The following TBC1D8 variants were observed in gnomAD, a reference collection of about 807,000 sequenced individuals.
TBC1D8 encodes TBC1 domain family member 8, also known as BUB2-like protein 1.
Under a neutral mutation model 118.8 loss-of-function variants are expected in TBC1D8, and 65 were observed. The ratio of observed to expected loss-of-function variants is 0.55; its 90% CI spans 0.45 to 0.67. The LOEUF (loss-of-function observed/expected upper bound fraction) is 0.67, where lower values mean the gene tolerates loss of function less well. Ranked by LOEUF, TBC1D8 falls within the 30% of genes least tolerant of loss-of-function variation. TBC1D8 has a pLI of 0.00. For synonymous variants in TBC1D8, 566 were observed against 595.8 expected (o/e 0.95, Z 0.73); for missense variants, 1,376 against 1,471.2 (o/e 0.94, Z 1.06).
In TBC1D8 at chr2:101,007,335, T is replaced by G. The variant is rs1040396831; in HGVS notation, c.*486A>C. The G allele has an allele frequency of 6.5e-6, 1 of 154,456 alleles. No individual in the cohort carries two copies. The highest frequency in any genetic ancestry group is 2.0e-4 in the South Asian group (1 of 4,966). 9.6% of individuals were successfully genotyped at this position (154,456 alleles called of 1,614,324 possible). ...CATATAAAGTGAATACAACCAAATA[T>G]ATTAAAATGGTTTCAATTACCAGCA... On this transcript the variant is annotated 3_prime_UTR_variant, in exon 20 of 20. Transcript: ENST00000409318.
chr2:101,078,068 C>A (rs752325837), intron 2 of TBC1D8, among the ~76,000 whole-genome samples: 11 of 152,136 alleles, frequency 7.2e-5, no homozygotes, highest in Admixed American at 2.6e-4. Context: ...AGACCATTTC[C>A]CACACTGCTA....
chr2:101,059,918 G>A (rs1473453241), intron 2 of TBC1D8, among the ~76,000 whole-genome samples: 2 of 152,112 alleles, frequency 1.3e-5, no homozygotes, highest in African/African-American at 2.4e-5. Flanking sequence ...CAGCCTGGGC[G>A]AGAGTGCGAG....
At chr2:101,061,447 G>T (rs1301706476) in intron 2 of TBC1D8, among the ~76,000 whole-genome samples, 1 of 152,140 alleles carries the variant, frequency 6.6e-6, no homozygotes, top group African/African-American at 2.4e-5. Flanking sequence ...ATTTCATAAG[G>T]AATAATGAAA....
At chr2:101,096,067 T>C (rs891413115) in intron 1 of TBC1D8, among the ~76,000 whole-genome samples, 3 of 152,188 alleles carry the variant, frequency 2.0e-5, no homozygotes, top group Non-Finnish European at 4.4e-5. Flanking sequence ...GAGTTCTTTT[T>C]TTGTTGTTTT....
chr2:101,090,324 A>G lies in TBC1D8; in HGVS notation c.168T>C (p.Asn56=), dbSNP rs759810790. 6.8e-6 allele frequency: 11 copies of G among 1,614,058 alleles called. No homozygotes were observed. In the South Asian group the frequency reaches 7.7e-5, roughly 11 times the overall value. ...GAATTCGAAATGGAGCGACCCGTGC[A>G]TTGGAATCCAACACTGCATCCAGAG... ...VGALDAVLDS[N]ARVAPFRILL... Residue 56 remains asparagine, a synonymous_variant, in exon 2 of 20, where the codon AAT becomes AAC. Coordinates refer to ENST00000409318, the MANE Select transcript of TBC1D8 (RefSeq NM_001330348.2).
intron 1 of TBC1D8, among the ~76,000 whole-genome samples, chr2:101,106,396 T>C (rs1399084315): frequency 6.6e-6 from 1 of 152,214 alleles, no homozygotes; most frequent in African/African-American, 2.4e-5. Context: ...CAGGGACCCC[T>C]GGATTTAATG....
chr2:101,118,434 T>TGC lies in TBC1D8; in HGVS notation c.128-28072_128-28071dup, dbSNP rs1558717840. Among the ~76,000 whole-genome samples, 260 of 151,748 alleles carry TGC rather than the reference T, an allele frequency of 1.7e-3. No individual in the cohort carries two copies. The East Asian group carries it at 0.032, about 18-fold the overall frequency. On this transcript the variant is annotated intron_variant, in intron 1 of 19. Coordinates refer to ENST00000409318, the MANE Select transcript of TBC1D8 (RefSeq NM_001330348.2). Reference sequence around the variant, plus strand: ...CCAGGTAGCCGGGCACAGTGGCTCATGCCTGTAATCCCAGCACTTTGGGAG... The same window carrying TGC: ...CCAGGTAGCCGGGCACAGTGGCTCATGCGCCTGTAATCCCAGCACTTTGGGAG...
At chr2:101,151,041 A>T (rs1273072348) in intron 1 of TBC1D8, 86 bp downstream of exon 1, 1 of 928,492 alleles carries the variant, frequency 1.1e-6, no homozygotes, top group African/African-American at 1.8e-5. Context: ...GCCTCTGGCG[A>T]CGCAGCCCGG....
intron 5 of TBC1D8, among the ~76,000 whole-genome samples, chr2:101,045,539 A>T (rs1456979842): frequency 6.6e-6 from 1 of 152,194 alleles, no homozygotes; most frequent in Non-Finnish European, 1.5e-5. Flanking sequence ...TGGCTCTCCC[A>T]TGCTCAGCAT....
chr2:101,087,897 T>C (rs976876752), intron 2 of TBC1D8, among the ~76,000 whole-genome samples: 2 of 152,220 alleles, frequency 1.3e-5, no homozygotes, highest in Admixed American at 1.3e-4. Context: ...ACATTGTTTT[T>C]CAAAAGCCAC....
At chr2:101,114,970 G>C (rs1677754312) in intron 1 of TBC1D8, among the ~76,000 whole-genome samples, 1 of 152,176 alleles carries the variant, frequency 6.6e-6, no homozygotes, top group Non-Finnish European at 1.5e-5. Context: ...ACAATACATA[G>C]AGCTAGTCTG....
At chr2:101,034,871 G>A (rs1680904082) in intron 9 of TBC1D8, among the ~76,000 whole-genome samples, 1 of 152,162 alleles carries the variant, frequency 6.6e-6, no homozygotes, top group Non-Finnish European at 1.5e-5. Flanking sequence ...GCCTCTGGAA[G>A]TTAGCTGCAG....
At chr2:101,120,260 A>G (rs1678035127) in intron 1 of TBC1D8, among the ~76,000 whole-genome samples, 1 of 152,040 alleles carries the variant, frequency 6.6e-6, no homozygotes, top group African/African-American at 2.4e-5. Context: ...AACTCAAACC[A>G]TCTCTCATGT....
intron 15 of TBC1D8, chr2:101,023,951 A>G (rs775926404): frequency 1.3e-5 from 2 of 155,134 alleles, no homozygotes; most frequent in South Asian, 2.0e-4. Flanking sequence ...TGTTATTTAA[A>G]TAGTCATTAC....
chr2:101,151,069 C>T, intron 1 of TBC1D8, 58 bp downstream of exon 1: 1 of 891,186 alleles, frequency 1.1e-6, no homozygotes, highest in Non-Finnish European at 1.3e-6. Context: ...GGCCGCGGGC[C>T]CGGCGGGGTG....
rs1439782405 is a variant in TBC1D8, at chr2:101,023,734, T to A, written c.2521-1213A>T. On this transcript the variant is annotated intron_variant, in intron 15 of 19. Transcript: ENST00000409318. ...CTTCAGAATGCATCATTTCCACCCA[T>A]ACTAAATGACTACATCATCTCTTTG... 3.8e-4 allele frequency: 131 copies of A among 348,824 alleles called. 3 individuals are homozygous for A. Among genetic ancestry groups the A allele is most frequent in the South Asian group, 2.9e-3 (129 of 44,134 alleles). The allele number at this position is 348,824 out of a possible 1,614,324, so 21.6% of individuals were successfully genotyped here. A position where few individuals can be genotyped will look rare whatever the true frequency, so the allele number is the denominator to read the frequency against.
rs989170842 is a variant in TBC1D8, at chr2:101,007,927, A to C, written c.3362T>G (p.Leu1121Arg). 2.5e-6 allele frequency: 4 copies of C among 1,613,952 alleles called. No individual in the cohort carries two copies. Among genetic ancestry groups the C allele is most frequent in the Non-Finnish European group, 3.4e-6 (4 of 1,179,906 alleles). Residue 1121 changes from leucine (L) to arginine (R), a missense_variant, in exon 20 of 20, where the codon CTG becomes CGG. Transcript: ENST00000409318. ...QSLVNFFEKP[L>R]DMKSKLENAK... ...ATTTTCAAGTTTGGATTTCATGTCC[A>C]GTGGCTTTTCAAAAAAGTTGACTAA...
At chr2:101,151,064 C>CGGGCCCGGCGGGGTGCGA (rs1183358292) in intron 1 of TBC1D8, 63 bp downstream of exon 1, 4 of 970,884 alleles carry the variant, frequency 4.1e-6, no homozygotes, top group African/African-American at 3.5e-5. Context: ...CTGGGGGCCG[C>CGGGCCCGGCGGGGTGCGA]GGGCCCGGCG....
intron 1 of TBC1D8, among the ~76,000 whole-genome samples, chr2:101,113,908 C>G (rs1347926996): frequency 6.6e-6 from 1 of 152,196 alleles, no homozygotes; most frequent in African/African-American, 2.4e-5. Context: ...ATGAGTCTGC[C>G]TGTTTCATCA....
Sources: allele counts gnomAD v4.1 joint callset (sites outside exome capture counted in the v4.1 genomes callset), GRCh38; gene constraint gnomAD v4.1.1; transcripts MANE v1.5; gene names NCBI Gene and HGNC (gene_info 2026-07-23, HGNC 2026-07-21).